NALF1: variants seen among roughly 807,000 people sequenced by gnomAD.
NALF1 encodes NALCN channel auxiliary factor 1, also known as family with sequence similarity 155 member A.
In NALF1, 3 loss-of-function variants were observed where a neutral mutation model predicts 48.4. That is an observed-to-expected ratio of 0.06 (90% CI 0.03 to 0.16). NALF1 has a LOEUF of 0.16. NALF1 is among the 10% of genes least tolerant of loss of function. The pLI is 1.00. For missense variants in NALF1, 526 were observed against 571.5 expected (o/e 0.92, Z 0.81); for synonymous variants, 262 against 245.7 (o/e 1.07, Z -0.62).
chr13:107,191,640 T>C (rs1359790461), intron 2 of NALF1, among the ~76,000 whole-genome samples: 3 of 151,916 alleles, frequency 2.0e-5, no homozygotes, highest in African/African-American at 7.3e-5. Flanking sequence ...CTCTACGCCA[T>C]GTGAGTAGAA....
intron 1 of NALF1, among the ~76,000 whole-genome samples, chr13:107,505,440 T>A (rs1875665424): frequency 6.6e-6 from 1 of 152,136 alleles, no homozygotes; most frequent in South Asian, 2.1e-4. Flanking sequence ...AGCTGCTGTG[T>A]CGGAAGCTCA....
intron 1 of NALF1, among the ~76,000 whole-genome samples, chr13:107,536,727 G>A (rs1876829707): frequency 6.6e-6 from 1 of 152,232 alleles, no homozygotes; most frequent in East Asian, 1.9e-4. Context: ...TCCCATTACT[G>A]GGTATATACC....
At chr13:107,828,602 T>TACACACACACA (rs1566498071) in intron 1 of NALF1, among the ~76,000 whole-genome samples, 17 of 43,332 alleles carry the variant, frequency 3.9e-4, no homozygotes, top group South Asian at 3.6e-3. Flanking sequence ...TATATCTATA[T>TACACACACACA]CTATACACAC....
At chr13:107,728,256 A>G (rs975655039) in intron 1 of NALF1, among the ~76,000 whole-genome samples, 1 of 152,220 alleles carries the variant, frequency 6.6e-6, no homozygotes, top group South Asian at 2.1e-4. Flanking sequence ...AGCACTATTT[A>G]CAATAGCAAA....
At chr13:107,442,014 A>G (rs1884567890) in intron 1 of NALF1, among the ~76,000 whole-genome samples, 1 of 152,210 alleles carries the variant, frequency 6.6e-6, no homozygotes. Flanking sequence ...AGACCAACAT[A>G]TATTTTTAAG....
At chr13:107,770,713 T>A (rs894351936) in intron 1 of NALF1, among the ~76,000 whole-genome samples, 1 of 152,356 alleles carries the variant, frequency 6.6e-6, no homozygotes, top group East Asian at 1.9e-4. Flanking sequence ...GGAAGACATG[T>A]TAATGGCCTG....
At chr13:107,216,634 A>T (rs1468535101) in intron 1 of NALF1, among the ~76,000 whole-genome samples, 1 of 152,104 alleles carries the variant, frequency 6.6e-6, no homozygotes, top group African/African-American at 2.4e-5. Flanking sequence ...GAATCCTGTC[A>T]TCACACTTGG....
intron 1 of NALF1, among the ~76,000 whole-genome samples, chr13:107,562,998 G>C (rs1877691040): frequency 6.6e-6 from 1 of 152,180 alleles, no homozygotes; most frequent in Non-Finnish European, 1.5e-5. Flanking sequence ...TCAGAGGTTG[G>C]AAGGCTTCTT....
At chr13:107,784,196 C>T (rs1030786920) in intron 1 of NALF1, among the ~76,000 whole-genome samples, 2 of 152,150 alleles carry the variant, frequency 1.3e-5, no homozygotes, top group Non-Finnish European at 2.9e-5. Context: ...CAAAGAGTAG[C>T]GAAATAACTA....
chr13:107,818,098 T>A (rs960222163), intron 1 of NALF1, among the ~76,000 whole-genome samples: 1 of 152,206 alleles, frequency 6.6e-6, no homozygotes, highest in African/African-American at 2.4e-5. Context: ...TTTTCTTCTA[T>A]GCTGTCTTCT....
At chr13:107,659,191 T>C (rs2138475037) in intron 1 of NALF1, among the ~76,000 whole-genome samples, 1 of 152,012 alleles carries the variant, frequency 6.6e-6, no homozygotes, top group South Asian at 2.1e-4. Flanking sequence ...TGTTTAAGAA[T>C]CCACTGAAGT....
intron 1 of NALF1, among the ~76,000 whole-genome samples, chr13:107,845,128 TG>T (rs1880137185): frequency 6.6e-6 from 1 of 152,220 alleles, no homozygotes. Context: ...ATTTCATTTA[TG>T]GCAAAGAAAA....
chr13:107,637,883 T>C (rs184996721), intron 1 of NALF1, among the ~76,000 whole-genome samples: 12 of 152,212 alleles, frequency 7.9e-5, no homozygotes, highest in Admixed American at 2.6e-4. Flanking sequence ...TCATCCATTT[T>C]CCTTACTTGT....
At chr13:107,393,029 A>G (rs372731226) in intron 1 of NALF1, among the ~76,000 whole-genome samples, 33 of 152,158 alleles carry the variant, frequency 2.2e-4, no homozygotes, top group African/African-American at 7.7e-4. Flanking sequence ...GGCTCATTTT[A>G]GGAACTAAAG....
intron 2 of NALF1, among the ~76,000 whole-genome samples, chr13:107,180,397 C>T (rs1879036749): frequency 6.6e-6 from 1 of 151,970 alleles, no homozygotes; most frequent in African/African-American, 2.4e-5. Context: ...TAGAATAAAA[C>T]ATGGCATTAT....
At chr13:107,450,656 T>C (rs1184129603) in intron 1 of NALF1, among the ~76,000 whole-genome samples, 2 of 152,114 alleles carry the variant, frequency 1.3e-5, no homozygotes, top group Admixed American at 1.3e-4. Context: ...CAAGGCTTCT[T>C]GGGGATGCCA....
intron 1 of NALF1, among the ~76,000 whole-genome samples, chr13:107,385,603 T>C (rs2138978109): frequency 6.7e-6 from 1 of 148,182 alleles, no homozygotes; most frequent in Non-Finnish European, 1.5e-5. Context: ...AATGCATATC[T>C]ATGACAAAGA....
chr13:107,320,833 T>G (rs569172830), intron 1 of NALF1: 48 of 152,278 alleles, frequency 3.2e-4, no homozygotes, highest in African/African-American at 1.1e-3. Flanking sequence ...GAATTTATAT[T>G]AATAAATTGT....
At chr13:107,340,143 G>C (rs185194423) in intron 1 of NALF1, among the ~76,000 whole-genome samples, 136 of 149,388 alleles carry the variant, frequency 9.1e-4, no homozygotes, top group Middle Eastern at 6.9e-3. Flanking sequence ...GCCTGTGGTT[G>C]TATACATTCC....
Sources: allele counts gnomAD v4.1 joint callset (sites outside exome capture counted in the v4.1 genomes callset), GRCh38; gene constraint gnomAD v4.1.1; transcripts MANE v1.5; gene names NCBI Gene and HGNC (gene_info 2026-07-23, HGNC 2026-07-21).